The following CRY2 variants were observed in gnomAD, a reference collection of about 807,000 sequenced individuals.
CRY2 encodes cryptochrome-2.
In CRY2, 31 loss-of-function variants were observed where a neutral mutation model predicts 69.5. That is an observed-to-expected ratio of 0.45 (90% CI 0.34 to 0.60). The LOEUF is 0.60. Ranked by LOEUF, CRY2 falls within the 20% of genes least tolerant of loss-of-function variation. The pLI is 0.02. For synonymous variants in CRY2, 303 were observed against 312.2 expected, an observed-to-expected ratio of 0.97 and a Z score of 0.31; for missense variants, 606 against 797.8, an observed-to-expected ratio of 0.76 and a Z score of 2.90.
intron 1 of CRY2, among the ~76,000 whole-genome samples, chr11:45,853,273 A>G (rs1266105049): frequency 8.5e-5 from 13 of 152,210 alleles, no homozygotes; most frequent in Non-Finnish European, 1.9e-4. Flanking sequence ...GTCATTGTAA[A>G]TGCTTATTAA....
At chr11:45,854,162 CAG>C (rs1307811833) in intron 1 of CRY2, among the ~76,000 whole-genome samples, 2 of 152,192 alleles carry the variant, frequency 1.3e-5, no homozygotes, top group African/African-American at 4.8e-5. Context: ...CTATTGTTGA[CAG>C]AGAAAAATGC....
rs560719626 is a variant in CRY2, at chr11:45,881,465, G to A, written c.*554G>A. ...GTCCAGACGTAGCCACCTGGCCTCT[G>A]TTTCTTATTTTAAAATTCTCTGCTA... On this transcript the variant is annotated 3_prime_UTR_variant, in exon 12 of 12. Transcript: ENST00000616080. 3 of 152,646 alleles carry A rather than the reference G, an allele frequency of 2.0e-5. No homozygotes were observed. Among genetic ancestry groups the A allele is most frequent in the African/African-American group, 7.2e-5 (3 of 41,570 alleles). The allele number at this position is 152,646 out of a possible 1,614,324, so 9.5% of individuals were successfully genotyped here. A position where few individuals can be genotyped will look rare whatever the true frequency, so the allele number is the denominator to read the frequency against.
At position 45,872,230 on chromosome 11, in the gene CRY2, G is replaced by A. The variant is rs1379603459; in HGVS notation, c.1781G>A (p.Ter594=). The change falls in exon 11 of 12, where the codon TGA becomes TAA. Residue 594 remains the stop codon, a stop_retained_variant. Coordinates refer to ENST00000616080, the MANE Select transcript of CRY2 (RefSeq NM_021117.5). ...CCAGAGCTGCCGAGCAAGGATGCCT[G>A]AGAGTGAGTGACAGCAGCCTAGATT... The part of the protein sequence containing the change: ...PTPELPSKDA[*] 1 of 1,613,972 alleles carries A rather than the reference G, an allele frequency of 6.2e-7. No homozygotes were observed. The highest frequency in any genetic ancestry group is 1.1e-5 in the South Asian group (1 of 91,062).
At chr11:45,877,319 G>A (rs1283490887) in intron 11 of CRY2, among the ~76,000 whole-genome samples, 3 of 152,208 alleles carry the variant, frequency 2.0e-5, no homozygotes, top group Non-Finnish European at 4.4e-5. Context: ...TGGGGAGAGG[G>A]AAACATTGAG....
rs368713947 is a variant in CRY2 at position 45,882,860 on chromosome 11, G to C, written c.*1949G>C. ...TCCTTTTCCTGCCTGTCTGCTGCTGGCTCTCTTCCCTAAGGTACAGGTTGG... is the reference window on the plus strand; with the variant it reads ...TCCTTTTCCTGCCTGTCTGCTGCTGCCTCTCTTCCCTAAGGTACAGGTTGG... On this transcript the variant is annotated 3_prime_UTR_variant, in exon 12 of 12. Coordinates refer to ENST00000616080, the MANE Select transcript of CRY2 (RefSeq NM_021117.5). 14 of 396,802 alleles carry C rather than the reference G, an allele frequency of 3.5e-5. No homozygotes were observed. The South Asian group carries it at 1.7e-3, about 48-fold the overall frequency. 24.6% of individuals were successfully genotyped at this position (396,802 alleles called of 1,614,324 possible). A position where few individuals can be genotyped will look rare whatever the true frequency, so the allele number is the denominator to read the frequency against.
chr11:45,850,543 C>T (rs1295333088), intron 1 of CRY2, among the ~76,000 whole-genome samples: 3 of 152,160 alleles, frequency 2.0e-5, no homozygotes, highest in African/African-American at 7.2e-5. Flanking sequence ...ATTCTGCTTG[C>T]TTCCTGGATC....
intron 1 of CRY2, among the ~76,000 whole-genome samples, chr11:45,851,530 T>C (rs1435171437): frequency 2.6e-5 from 4 of 152,196 alleles, no homozygotes; most frequent in Non-Finnish European, 5.9e-5. Flanking sequence ...GCTATTCACA[T>C]TGGTACCTGA....
intron 5 of CRY2, among the ~76,000 whole-genome samples, chr11:45,862,916 C>T (rs981238796): frequency 1.3e-5 from 2 of 152,224 alleles, no homozygotes; most frequent in African/African-American, 4.8e-5. Flanking sequence ...GAACAGTCAG[C>T]TCCTAGTTTC....
chr11:45,847,128 A>G, upstream of CRY2: 1 of 1,501,442 alleles, frequency 6.7e-7, no homozygotes, highest in Non-Finnish European at 9.0e-7. Context: ...AGCTTCTTCT[A>G]GAAGCAGGCC....
chr11:45,874,804 G>A (rs1282298879), intron 11 of CRY2, among the ~76,000 whole-genome samples: 4 of 152,042 alleles, frequency 2.6e-5, no homozygotes, highest in Non-Finnish European at 1.5e-5. Flanking sequence ...TTAGCCAGGC[G>A]TGGTGGCAGG....
chr11:45,856,537 C>T (rs2086240447), intron 2 of CRY2, among the ~76,000 whole-genome samples: 1 of 152,256 alleles, frequency 6.6e-6, no homozygotes, highest in African/African-American at 2.4e-5. Flanking sequence ...TGGCTCACGC[C>T]TGTAATCCCA....
chr11:45,868,538 C>T (rs889759088), intron 6 of CRY2, among the ~76,000 whole-genome samples: 3 of 152,104 alleles, frequency 2.0e-5, no homozygotes, highest in South Asian at 2.1e-4. Context: ...AGGCTGGTCT[C>T]GAACTCCTGG....
At chr11:45,872,357 C>T in intron 11 of CRY2, 124 bp downstream of exon 11, 1 of 855,126 alleles carries the variant, frequency 1.2e-6, no homozygotes. Context: ...CCACCCAATG[C>T]TCAGCCACTA....
In CRY2 at chr11:45,847,536, G is replaced by A. The variant is rs373099993; in HGVS notation, c.46G>A (p.Ala16Thr). Residue 16 changes from alanine to threonine, a missense_variant, in exon 1 of 12, where the codon GCG becomes ACG. Coordinates refer to ENST00000616080, the MANE Select transcript of CRY2 (RefSeq NM_021117.5). ...ATAAAVAPAP[A>T]PGTDSASSVH... ...GGCGGCAGCTGTGGCCCCGGCGCCA[G>A]CGCCCGGCACGGACAGCGCCTCTTC... is the stretch of plus-strand genomic sequence containing the variant. 6.3e-7 allele frequency: 1 copy of A among 1,586,880 alleles called. No homozygotes were observed. Among genetic ancestry groups the A allele is most frequent in the African/African-American group, 1.3e-5 (1 of 74,724 alleles).
intron 11 of CRY2, 52 bp downstream of exon 11, chr11:45,872,285 G>A: frequency 6.5e-7 from 1 of 1,542,680 alleles, no homozygotes; most frequent in Non-Finnish European, 8.9e-7. Context: ...GGGAGTGGGG[G>A]GGCCTACTGC....
intron 1 of CRY2, among the ~76,000 whole-genome samples, chr11:45,851,791 A>G (rs1460115156): frequency 6.6e-6 from 1 of 152,180 alleles, no homozygotes; most frequent in Non-Finnish European, 1.5e-5. Flanking sequence ...ATTAATTTCT[A>G]TTAATATCCT....
In CRY2 at chr11:45,867,677, C is replaced by T. The variant is rs35488012; in HGVS notation, c.807C>T (p.Gly269=). The T allele has an allele frequency of 2.1e-3, 3,403 of 1,614,258 alleles. 71 individuals are homozygous for T. In the African/African-American group the frequency reaches 0.04, roughly 19 times the overall value. ...NANSLLASPT[G]LSPYLRFGCL... ...ACTCCCTCCTGGCCAGCCCCACAGG[C>T]CTCAGCCCCTACCTGCGCTTTGGTT... The change falls in exon 6 of 12, where the codon GGC becomes GGT. Residue 269 remains glycine, a synonymous_variant. Transcript: ENST00000616080.
In CRY2 at chr11:45,870,922, A is replaced by G; in HGVS notation, c.1630A>G (p.Met544Val). 1 of 1,611,208 alleles carries G rather than the reference A, an allele frequency of 6.2e-7. No homozygotes were observed. The change falls in exon 10 of 12, where the codon ATG becomes GTG. Residue 544 changes from methionine (M) to valine (V), a missense_variant. By Grantham distance (21) the Met-to-Val change is conservative. This residue lies in a region of CRY2 where 173 missense variants were observed against 213.7 expected (regional missense o/e 0.81). Transcript: ENST00000616080. Reference sequence around the variant, plus strand: ...GCCCAGCTCGAGCCAGGCTGGCAGCATGAGCAGTGCAGGTGAGCAGCAGCA... The same window carrying G: ...GCCCAGCTCGAGCCAGGCTGGCAGCGTGAGCAGTGCAGGTGAGCAGCAGCA... ...AEPSSSQAGSMSSAGPRPLPS... is the reference protein window; with the variant it reads ...AEPSSSQAGSVSSAGPRPLPS...
chr11:45,863,274 A>G (rs185983479), intron 5 of CRY2, among the ~76,000 whole-genome samples: 1 of 152,292 alleles, frequency 6.6e-6, no homozygotes, highest in East Asian at 1.9e-4. Context: ...GGAGATGACA[A>G]ATGGGATTGC....
Sources: gnomAD v4.1 joint callset for allele counts (sites outside exome capture counted in the v4.1 genomes callset) on GRCh38, gnomAD v4.1.1 for gene constraint, gnomAD v4.1.1 regional missense constraint, MANE v1.5 for transcripts, NCBI Gene and HGNC (gene_info 2026-07-23, HGNC 2026-07-21) for gene names.